Variants in FLII observed in about 807,000 individuals in gnomAD.
FLII encodes FLII actin remodeling protein.
FLII carries 101 observed loss-of-function variants against 156.2 expected under a neutral mutation model. The ratio of observed to expected loss-of-function variants is 0.65; its 90% CI spans 0.55 to 0.76. The LOEUF (loss-of-function observed/expected upper bound fraction) is 0.76, where lower values mean the gene tolerates loss of function less well. Ranked by LOEUF, FLII falls within the 30% of genes least tolerant of loss-of-function variation. The pLI is 0.00. For synonymous variants in FLII, 767 were observed against 685.8 expected, an observed-to-expected ratio of 1.12 and a Z score of -1.85; for missense variants, 1,675 against 1,682.8, an observed-to-expected ratio of 1.00 and a Z score of 0.08.
At chr17:18,248,448 G>A in intron 18 of FLII, 102 bp downstream of exon 18, 1 of 1,147,314 alleles carries the variant, frequency 8.7e-7, no homozygotes, top group South Asian at 1.5e-5. Flanking sequence ...CCCCACCAAA[G>A]TCGAGATGGA....
chr17:18,246,565 C>G lies in FLII; in HGVS notation c.3051+29G>C. On this transcript the variant is annotated intron_variant, in intron 23 of 29. Transcript: ENST00000327031. ...AGCCCCACCACACCCCTCCGCCTGGCCTCGGGCTCGCGGGGCTGCCAGGCA... is the reference window on the plus strand; with the variant it reads ...AGCCCCACCACACCCCTCCGCCTGGGCTCGGGCTCGCGGGGCTGCCAGGCA... 5 of 1,612,954 alleles carry G rather than the reference C, an allele frequency of 3.1e-6. 2 individuals are homozygous for G. The South Asian group carries it at 5.5e-5, about 18-fold the overall frequency.
chr17:18,249,229 G>A (rs1308719110), intron 15 of FLII, 28 bp from the exon 16 acceptor site: 6 of 1,613,270 alleles, frequency 3.7e-6, no homozygotes, highest in Admixed American at 1.7e-5. Context: ...GTGGCTCAGT[G>A]TAGGCACCAA....
In FLII at chr17:18,246,655, C is replaced by T. The variant is rs2048067975; in HGVS notation, c.2990G>A (p.Trp997Ter). The T allele has an allele frequency of 6.2e-7, 1 of 1,613,822 alleles. No individual in the cohort carries two copies. The highest frequency in any genetic ancestry group is 1.3e-5 in the African/African-American group (1 of 74,936). Residue 997 changes from tryptophan to a stop codon, truncating the protein, a stop_gained, in exon 23 of 30, where the codon TGG (tryptophan) becomes TAG (stop). Coordinates refer to ENST00000327031, the MANE Select transcript of FLII (RefSeq NM_002018.4). LOFTEE classifies it high-confidence loss of function. ...TTGCAGGCTGAAGGTGAAGGTGAGC[C>T]AGCCCATATTGGAGGCTTCACGGCC... Reference protein sequence around the residue: ...WQGREASNMGWLTFTFSLQKK... With the variant: ...WQGREASNMG
chr17:18,244,988 A>G lies in FLII; in HGVS notation c.*150T>C, dbSNP rs193075988. The G allele has an allele frequency of 6.2e-5, 52 of 844,340 alleles. No homozygotes were observed. The African/African-American group carries it at 6.9e-4, about 11-fold the overall frequency. The allele number at this position is 844,340 out of a possible 1,614,324, so 52.3% of individuals were successfully genotyped here. On this transcript the variant is annotated 3_prime_UTR_variant, in exon 30 of 30. Transcript: ENST00000327031. ...ACCCCTGAGGGCACCTGTCAGGGTC[A>G]TCCCCATTGGTGCTGCTTGAGGCTA...
At position 18,249,107 on chromosome 17, in the gene FLII, C is replaced by T; in HGVS notation, c.1934+20G>A. On this transcript the variant is annotated intron_variant, in intron 16 of 29. Coordinates refer to ENST00000327031, the MANE Select transcript of FLII (RefSeq NM_002018.4). ...GAGGCTGAGGATGAAGCACCCCCAC[C>T]TCACATTGTTGGGGCTCACCTTGGG... 4 of 1,609,144 alleles carry T rather than the reference C, an allele frequency of 2.5e-6. No individual in the cohort carries two copies. The South Asian group carries it at 4.4e-5, about 18-fold the overall frequency.
Position 18,245,592 on chromosome 17 carries a change from G to GA in FLII, c.3571_3572insT (p.Ala1191ValfsTer3). On this transcript the variant is annotated frameshift_variant, in exon 28 of 30. Transcript: ENST00000327031. LOFTEE classifies it high-confidence loss of function. ...GTCTAGCAACATGATGTCATCATCT[G>GA]CCAGGTCATCTTGGCAAAAGTCGGA... 1 of 1,613,900 alleles carries GA rather than the reference G, an allele frequency of 6.2e-7. No homozygotes were observed. The highest frequency in any genetic ancestry group is 2.2e-5 in the East Asian group (1 of 44,886).
rs774162995 is a variant in FLII, at chr17:18,249,159, A to G, written c.1902T>C (p.Pro634=). The part of the protein sequence containing the change: ...VYGKKNIKLE[P]VPLKGTSLDP... ...CCAGAGAGGTCCCCTTGAGGGGCACAGGCTCCAACTTGATGTTCTTTTTCC... is the reference window on the plus strand; with the variant it reads ...CCAGAGAGGTCCCCTTGAGGGGCACGGGCTCCAACTTGATGTTCTTTTTCC... Residue 634 remains proline, a synonymous_variant, in exon 16 of 30, where the codon CCT becomes CCC. Transcript: ENST00000327031. 15 of 1,614,126 alleles carry G rather than the reference A, an allele frequency of 9.3e-6. No individual in the cohort carries two copies. In the South Asian group the frequency reaches 1.6e-4, roughly 18 times the overall value.
chr17:18,248,628 C>T lies in FLII; in HGVS notation c.2112G>A (p.Glu704=), dbSNP rs1389203895. The T allele has an allele frequency of 6.2e-7, 1 of 1,613,804 alleles. No individual in the cohort carries two copies. The highest frequency in any genetic ancestry group is 1.3e-5 in the African/African-American group (1 of 74,928). ...TCTCAGAGGGCTCCCCACCCAGTGC[C>T]TCCCAGAACTCTGGGAGCTCCTGGC... ...VQGQELPEFW[E]ALGGEPSEIK... Residue 704 remains glutamate (E), a synonymous_variant, in exon 18 of 30, where the codon GAG becomes GAA. Coordinates refer to ENST00000327031, the MANE Select transcript of FLII (RefSeq NM_002018.4).
At position 18,248,620 on chromosome 17, in the gene FLII, C is replaced by T. The variant is rs774804207; in HGVS notation, c.2120G>A (p.Gly707Asp). ...QELPEFWEAL[G>D]GEPSEIKKHV... ...CTTCTTGATCTCAGAGGGCTCCCCA[C>T]CCAGTGCCTCCCAGAACTCTGGGAG... Residue 707 changes from glycine (G) to aspartate (D), a missense_variant, in exon 18 of 30, where the codon GGT (glycine) becomes GAT (aspartate). By Grantham distance (94) the Gly-to-Asp change is moderately conservative (BLOSUM62 -1). Transcript: ENST00000327031. The T allele has an allele frequency of 1.2e-6, 2 of 1,613,880 alleles. No homozygotes were observed. Among genetic ancestry groups the T allele is most frequent in the South Asian group, 2.2e-5 (2 of 91,086 alleles).
chr17:18,247,909 C>T lies in FLII; in HGVS notation c.2295+20G>A, dbSNP rs2048139041. The T allele has an allele frequency of 1.9e-6, 3 of 1,613,380 alleles. No individual in the cohort carries two copies. In the East Asian group the frequency reaches 6.7e-5, roughly 36 times the overall value. ...AACGGGGAGGGATCTGGCCCCACGCCCTCCTCCTGCATCTCTTACCAGCCG... is the reference window on the plus strand; with the variant it reads ...AACGGGGAGGGATCTGGCCCCACGCTCTCCTCCTGCATCTCTTACCAGCCG... On this transcript the variant is annotated intron_variant, in intron 19 of 29. Coordinates refer to ENST00000327031, the MANE Select transcript of FLII (RefSeq NM_002018.4).
intron 21 of FLII, 47 bp downstream of exon 21, chr17:18,247,122 T>TGGGGGGGGGGGGGGGGGGGGG: frequency 9.9e-7 from 1 of 1,011,422 alleles, no homozygotes. Flanking sequence ...GCCCTCGGCC[T>TGGGGGGGGGGGGGGGGGGGGG]GCCCCCCACC....
At chr17:18,248,085 A>C in intron 18 of FLII, 52 bp from the exon 19 acceptor site, 2 of 1,286,088 alleles carry the variant, frequency 1.6e-6, no homozygotes, top group Non-Finnish European at 2.2e-6. Flanking sequence ...CAGGAACCTC[A>C]CCCACACAGC....
rs1166482627 is a variant in FLII, at chr17:18,251,413, G to A, written c.1448C>T (p.Pro483Leu). The A allele has an allele frequency of 6.2e-7, 1 of 1,613,092 alleles. No homozygotes were observed. Among genetic ancestry groups the A allele is most frequent in the South Asian group, 1.1e-5 (1 of 91,082 alleles). ...VRRWDQGLEK[P>L]RLDYSEFFTE... ...GAAGAACTCGGAGTAGTCAAGGCGGGGCTTCTCCAGGCCCTGGTCCCAACG... is the reference window on the plus strand; with the variant it reads ...GAAGAACTCGGAGTAGTCAAGGCGGAGCTTCTCCAGGCCCTGGTCCCAACG... The change falls in exon 13 of 30, where the codon CCC becomes CTC. Residue 483 changes from proline to leucine, a missense_variant. Coordinates refer to ENST00000327031, the MANE Select transcript of FLII (RefSeq NM_002018.4).
intron 14 of FLII, among the ~76,000 whole-genome samples, chr17:18,249,753 G>A (rs1239478698): frequency 6.6e-6 from 1 of 151,838 alleles, no homozygotes; most frequent in Admixed American, 6.6e-5. Context: ...TTGTGCCATT[G>A]TACTCCAGCC....
intron 14 of FLII, 141 bp downstream of exon 14, chr17:18,250,697 C>T (rs1363257763): frequency 2.4e-5 from 21 of 876,806 alleles, no homozygotes; most frequent in Non-Finnish European, 1.8e-6. Context: ...AGGTCCCGCA[C>T]AGTATCGTTG....
chr17:18,251,925 AC>A, intron 11 of FLII, 73 bp downstream of exon 11: 1 of 1,602,806 alleles, frequency 6.2e-7, no homozygotes, highest in Non-Finnish European at 8.5e-7. Context: ...GCTGTATGCC[AC>A]CCAATTTACA....
At chr17:18,248,906 G>C (rs747381754) in intron 16 of FLII, 23 bp from the exon 17 acceptor site, 56 of 1,598,468 alleles carry the variant, frequency 3.5e-5, no homozygotes, top group Non-Finnish European at 4.5e-5. Flanking sequence ...GGGCAGGAAG[G>C]AGCTGTGATG....
In FLII at chr17:18,253,611, A is replaced by G. The variant is rs2048332394; in HGVS notation, c.788T>C (p.Leu263Pro). 6.2e-7 allele frequency: 1 copy of G among 1,614,098 alleles called. No homozygotes were observed. The highest frequency in any genetic ancestry group is 1.3e-5 in the African/African-American group (1 of 75,044). The stretch of plus-strand genomic sequence containing the variant: ...CACGTGCACCCACTGGTCTATGCAC[A>G]GGGACAGCTCCGTGATCTGGTTGCT... ...LSSNQITELS[L>P]CIDQWVHVET... is the part of the protein sequence containing the mutation. Residue 263 changes from leucine (L) to proline (P), a missense_variant, in exon 8 of 30, where the codon CTG becomes CCG. Leu to Pro is a moderately conservative substitution (Grantham distance 98). This residue lies in a region of FLII where 343 missense variants were observed against 413.5 expected (regional missense o/e 0.83). Coordinates refer to ENST00000327031, the MANE Select transcript of FLII (RefSeq NM_002018.4).
At chr17:18,249,676 G>A (rs1012287970) in intron 14 of FLII, among the ~76,000 whole-genome samples, 2 of 152,044 alleles carry the variant, frequency 1.3e-5, no homozygotes, top group African/African-American at 2.4e-5. Flanking sequence ...TGTAATCCCA[G>A]CTACTCGGGA....
Sources: allele counts gnomAD v4.1 joint callset (sites outside exome capture counted in the v4.1 genomes callset), GRCh38; gene constraint gnomAD v4.1.1; regional missense constraint gnomAD v4.1.1; transcripts MANE v1.5; gene names NCBI Gene and HGNC (gene_info 2026-07-23, HGNC 2026-07-21).